PPP3CA: variants seen among roughly 807,000 people sequenced by gnomAD.
The protein encoded by PPP3CA is protein phosphatase 3 catalytic subunit alpha.
In PPP3CA, 14 loss-of-function variants were observed where a neutral mutation model predicts 66.5. The ratio of observed to expected loss-of-function variants is 0.21; its 90% CI spans 0.14 to 0.33. The LOEUF is 0.33. Among genes scored for constraint, PPP3CA ranks in the 10% least tolerant of loss-of-function variants. The pLI is 1.00. For synonymous variants in PPP3CA, 232 were observed against 226.2 expected (o/e 1.03, Z -0.23); for missense variants, 317 against 639.5 (o/e 0.50, Z 5.44).
chr4:101,046,194 A>C (rs1438661790), intron 10 of PPP3CA, among the ~76,000 whole-genome samples: 4 of 152,016 alleles, frequency 2.6e-5, no homozygotes, highest in Non-Finnish European at 5.9e-5. Context: ...TTGTTTTAAA[A>C]GTCTAATCCA....
At chr4:101,122,679 A>G (rs1164475527) in intron 2 of PPP3CA, among the ~76,000 whole-genome samples, 4 of 152,328 alleles carry the variant, frequency 2.6e-5, no homozygotes, top group African/African-American at 9.6e-5. Context: ...CAAAAAACAA[A>G]CAAAAAACTG....
At chr4:101,261,845 T>C (rs975126823) in intron 1 of PPP3CA, among the ~76,000 whole-genome samples, 1 of 151,922 alleles carries the variant, frequency 6.6e-6, no homozygotes, top group African/African-American at 2.4e-5. Context: ...GTGTTTTAAC[T>C]TCCCCTCTCC....
intron 1 of PPP3CA, among the ~76,000 whole-genome samples, chr4:101,326,304 C>G (rs1453087821): frequency 6.6e-6 from 1 of 152,138 alleles, no homozygotes; most frequent in East Asian, 1.9e-4. Context: ...CACTTACTAG[C>G]TCTCTGATCA....
chr4:101,292,814 A>G (rs962637812), intron 1 of PPP3CA, among the ~76,000 whole-genome samples: 1 of 152,228 alleles, frequency 6.6e-6, no homozygotes. Context: ...TTAAAAGCTA[A>G]TGTGATTCAA....
chr4:101,312,750 T>C (rs931748989), intron 1 of PPP3CA, among the ~76,000 whole-genome samples: 3 of 152,112 alleles, frequency 2.0e-5, no homozygotes, highest in Non-Finnish European at 4.4e-5. Flanking sequence ...ATTAATACAA[T>C]AAGTGACAAA....
chr4:101,257,476 A>C (rs1726882563), intron 1 of PPP3CA, among the ~76,000 whole-genome samples: 1 of 151,968 alleles, frequency 6.6e-6, no homozygotes, highest in Admixed American at 6.6e-5. Context: ...CCTCACCTAT[A>C]AGTATTTAAA....
At chr4:101,154,362 T>C (rs865930122) in intron 2 of PPP3CA, among the ~76,000 whole-genome samples, 1 of 152,192 alleles carries the variant, frequency 6.6e-6, no homozygotes, top group South Asian at 2.1e-4. Context: ...CTAGTAAATT[T>C]ATAAACAGTA....
intron 10 of PPP3CA, among the ~76,000 whole-genome samples, chr4:101,052,895 T>C (rs2110219244): frequency 6.6e-6 from 1 of 152,176 alleles, no homozygotes; most frequent in South Asian, 2.1e-4. Context: ...GTTCTTCCTT[T>C]AGTTATTCAA....
chr4:101,120,867 A>G (rs1211451741), intron 2 of PPP3CA, among the ~76,000 whole-genome samples: 3 of 152,086 alleles, frequency 2.0e-5, no homozygotes, highest in Admixed American at 6.6e-5. Context: ...AAGTCTTTGA[A>G]TATTTTGAAA....
At chr4:101,094,361 T>G (rs1730101546) in intron 5 of PPP3CA, among the ~76,000 whole-genome samples, 2 of 152,220 alleles carry the variant, frequency 1.3e-5, no homozygotes, top group South Asian at 4.1e-4. Context: ...TCTATTAAAC[T>G]GTGATTTAGA....
chr4:101,274,344 A>G (rs542771419), intron 1 of PPP3CA, among the ~76,000 whole-genome samples: 1 of 152,318 alleles, frequency 6.6e-6, no homozygotes, highest in African/African-American at 2.4e-5. Context: ...ACTAACATAG[A>G]TGAGAAAATA....
intron 11 of PPP3CA, among the ~76,000 whole-genome samples, chr4:101,034,318 C>G (rs1196419961): frequency 6.6e-6 from 1 of 152,202 alleles, no homozygotes; most frequent in African/African-American, 2.4e-5. Context: ...ATATCGCCTT[C>G]TAAGCAAGAA....
intron 1 of PPP3CA, among the ~76,000 whole-genome samples, chr4:101,327,459 CT>C: frequency 6.6e-6 from 1 of 151,612 alleles, no homozygotes; most frequent in Middle Eastern, 3.4e-3. Context: ...TAAAATTTCA[CT>C]CATAAGACAC....
chr4:101,345,997 C>G (rs1477884366), intron 1 of PPP3CA, among the ~76,000 whole-genome samples: 5 of 152,166 alleles, frequency 3.3e-5, no homozygotes, highest in African/African-American at 1.2e-4. Flanking sequence ...TCGTGTCTCT[C>G]CCCGGGGCGT....
chr4:101,178,877 C>T (rs13125501), intron 2 of PPP3CA, among the ~76,000 whole-genome samples: 67,971 of 151,828 alleles, frequency 0.45, 17,961 homozygotes, highest in Middle Eastern at 0.63. Flanking sequence ...TTCAATCCAA[C>T]CACACATAAA....
At chr4:101,323,583 C>T (rs186545196) in intron 1 of PPP3CA, among the ~76,000 whole-genome samples, 1 of 152,130 alleles carries the variant, frequency 6.6e-6, no homozygotes, top group Non-Finnish European at 1.5e-5. Flanking sequence ...CCTATTTTAA[C>T]CTAAATAATC....
At position 101,206,391 on chromosome 4, in the gene PPP3CA, G is replaced by A. The variant is rs534658754; in HGVS notation, c.59-10275C>T. ...AATCAAACATGCATTTTTTAATCCA[G>A]CAAATGGAAAATGAACAATTTTATA... is the stretch of plus-strand genomic sequence containing the variant. On this transcript the variant is annotated intron_variant, in intron 1 of 13. Transcript: ENST00000394854. Among the ~76,000 whole-genome samples, 12 of 152,192 alleles carry A rather than the reference G, an allele frequency of 7.9e-5. No homozygotes were observed. In the South Asian group the frequency reaches 2.3e-3, roughly 29 times the overall value.
intron 2 of PPP3CA, among the ~76,000 whole-genome samples, chr4:101,111,972 C>T (rs902445640): frequency 1.1e-4 from 16 of 152,090 alleles, no homozygotes; most frequent in African/African-American, 3.6e-4. Context: ...TCTAAAGCAT[C>T]TTCTTCCTTT....
intron 1 of PPP3CA, among the ~76,000 whole-genome samples, chr4:101,335,614 A>G (rs1729604280): frequency 6.6e-6 from 1 of 152,158 alleles, no homozygotes; most frequent in South Asian, 2.1e-4. Flanking sequence ...CTGGGAAAAA[A>G]TAACAAGGGA....
Sources: gnomAD v4.1 joint callset for allele counts (sites outside exome capture counted in the v4.1 genomes callset) on GRCh38, gnomAD v4.1.1 for gene constraint, MANE v1.5 for transcripts, NCBI Gene and HGNC (gene_info 2026-07-23, HGNC 2026-07-21) for gene names.